The following USP34 variants were observed in gnomAD, a reference collection of about 807,000 sequenced individuals.
The protein encoded by USP34 is ubiquitin specific peptidase 34, also known as ubiquitin carboxyl-terminal hydrolase 34.
Under a neutral mutation model 460.3 loss-of-function variants are expected in USP34, and 70 were observed. That is an observed-to-expected ratio of 0.15 (90% CI 0.13 to 0.19). The LOEUF is 0.19. USP34 is among the 10% of genes least tolerant of loss of function. The pLI is 1.00. For missense variants in USP34, 3,985 were observed against 4,236.2 expected (o/e 0.94, Z 1.65); for synonymous variants, 1,647 against 1,405.3 (o/e 1.17, Z -3.85).
chr2:61,373,068 G>A (rs990338982), intron 8 of USP34, among the ~76,000 whole-genome samples: 5 of 152,156 alleles, frequency 3.3e-5, no homozygotes, highest in Non-Finnish European at 5.9e-5. Flanking sequence ...ATGGAGCTAC[G>A]TAGGAGCCAT....
intron 1 of USP34, among the ~76,000 whole-genome samples, chr2:61,467,410 G>A (rs2104122553): frequency 6.6e-6 from 1 of 150,924 alleles, no homozygotes; most frequent in Non-Finnish European, 1.5e-5. Flanking sequence ...TCAGCCTCCT[G>A]CCGAGGCGGG....
chr2:61,373,067 C>T (rs957631262), intron 8 of USP34, among the ~76,000 whole-genome samples: 9 of 152,068 alleles, frequency 5.9e-5, no homozygotes, highest in African/African-American at 1.7e-4. Flanking sequence ...AATGGAGCTA[C>T]GTAGGAGCCA....
At chr2:61,216,879 C>T (rs1388892681) in intron 67 of USP34, among the ~76,000 whole-genome samples, 3 of 150,178 alleles carry the variant, frequency 2.0e-5, no homozygotes, top group African/African-American at 4.9e-5. Flanking sequence ...GATTGCAGCA[C>T]TACATCCCAG....
chr2:61,215,184 T>G (rs904800926), intron 67 of USP34, among the ~76,000 whole-genome samples: 1 of 152,130 alleles, frequency 6.6e-6, no homozygotes. Context: ...AAGAAAGAAA[T>G]AGATATACAT....
intron 6 of USP34, 80 bp downstream of exon 6, chr2:61,383,189 C>T (rs1693026502): frequency 1.9e-6 from 2 of 1,070,766 alleles, no homozygotes; most frequent in East Asian, 5.5e-5. Context: ...AGGGGACTTT[C>T]AAACAATATA....
intron 41 of USP34, among the ~76,000 whole-genome samples, chr2:61,267,187 A>G (rs1359978097): frequency 6.6e-6 from 1 of 151,884 alleles, no homozygotes; most frequent in African/African-American, 2.4e-5. Context: ...TCTTTTCATG[A>G]TTTTGCTTTG....
rs1223914764 is a variant in USP34 at position 61,187,511 on chromosome 2, A to G, written c.*591T>C. Reference sequence around the variant, plus strand: ...AATTAAGTGCACAGAATAGCAATCAATCAATCAGTCATGTCAATAAAAATA... The same window carrying G: ...AATTAAGTGCACAGAATAGCAATCAGTCAATCAGTCATGTCAATAAAAATA... On this transcript the variant is annotated 3_prime_UTR_variant, in exon 80 of 80. Coordinates refer to ENST00000398571, the MANE Select transcript of USP34 (RefSeq NM_014709.4). The G allele has an allele frequency of 7.1e-6, 7 of 980,496 alleles. No homozygotes were observed. The highest frequency in any genetic ancestry group is 8.5e-6 in the Non-Finnish European group (7 of 827,694). 60.7% of individuals were successfully genotyped at this position (980,496 alleles called of 1,614,324 possible).
chr2:61,235,328 CTTTTT>C (rs10537200), intron 57 of USP34, among the ~76,000 whole-genome samples: 3 of 123,400 alleles, frequency 2.4e-5, no homozygotes, highest in Admixed American at 8.2e-5. Flanking sequence ...ATTTTTTTTT[CTTTTT>C]TTTTTTTTTT....
intron 1 of USP34, among the ~76,000 whole-genome samples, chr2:61,462,878 A>G (rs1056725737): frequency 4.2e-5 from 6 of 143,636 alleles, no homozygotes; most frequent in Admixed American, 1.4e-4. Flanking sequence ...AAAAAAAAAA[A>G]GGCAGCCAGG....
chr2:61,382,417 T>C (rs1692999775), intron 6 of USP34, among the ~76,000 whole-genome samples: 1 of 152,182 alleles, frequency 6.6e-6, no homozygotes, highest in Non-Finnish European at 1.5e-5. Flanking sequence ...GACATGTTCC[T>C]TCTACAATAC....
chr2:61,287,188 T>C (rs1235567138), intron 34 of USP34, among the ~76,000 whole-genome samples: 2 of 152,204 alleles, frequency 1.3e-5, no homozygotes, highest in Non-Finnish European at 2.9e-5. Context: ...GGAAATCTGC[T>C]TCAGGTTTCC....
chr2:61,425,323 G>C (rs962132425), intron 1 of USP34, among the ~76,000 whole-genome samples: 3 of 152,088 alleles, frequency 2.0e-5, no homozygotes, highest in African/African-American at 7.2e-5. Context: ...AGTACTCATA[G>C]TACCTGGTTT....
At chr2:61,416,492 C>T (rs991067858) in intron 2 of USP34, among the ~76,000 whole-genome samples, 9 of 152,090 alleles carry the variant, frequency 5.9e-5, no homozygotes, top group Admixed American at 2.6e-4. Flanking sequence ...GCTTTAAATA[C>T]CTGTTAAGGA....
chr2:61,470,747 A>C lies in USP34; in HGVS notation c.-55T>G. 4 of 1,383,548 alleles carry C rather than the reference A, an allele frequency of 2.9e-6. No individual in the cohort carries two copies. Among genetic ancestry groups the C allele is most frequent in the East Asian group, 3.6e-5 (1 of 27,940 alleles). The allele number at this position is 1,383,548 out of a possible 1,614,324, so 85.7% of individuals were successfully genotyped here. A position where few individuals can be genotyped will look rare whatever the true frequency, so the allele number is the denominator to read the frequency against. ...CTTCGGATCACACTGACTGATCCCG[A>C]CCGGCGGGGGGGAGGGGAGAGAGGC... is the stretch of plus-strand genomic sequence containing the variant. On this transcript the variant is annotated 5_prime_UTR_variant, in exon 1 of 80. Transcript: ENST00000398571.
rs1372768584 is a variant in USP34 at position 61,314,769 on chromosome 2, T to C, written c.3383-25A>G. ...CCTGAAAGCCAAATGTTTAGACACA[T>C]ATATTAGCCTTATATTCTTGTTTAG... is the stretch of plus-strand genomic sequence containing the variant. On this transcript the variant is annotated intron_variant, in intron 24 of 79. Coordinates refer to ENST00000398571, the MANE Select transcript of USP34 (RefSeq NM_014709.4). 7.6e-6 allele frequency: 12 copies of C among 1,575,480 alleles called. No individual in the cohort carries two copies. The East Asian group carries it at 2.2e-4, about 29-fold the overall frequency.
At chr2:61,365,114 T>C (rs948521564) in intron 10 of USP34, among the ~76,000 whole-genome samples, 5 of 151,486 alleles carry the variant, frequency 3.3e-5, no homozygotes, top group African/African-American at 1.2e-4. Flanking sequence ...TAGCCAGGCA[T>C]GGAGGTGCGC....
intron 5 of USP34, among the ~76,000 whole-genome samples, chr2:61,388,472 A>G (rs1558565289): frequency 6.6e-6 from 1 of 150,768 alleles, no homozygotes; most frequent in Non-Finnish European, 1.5e-5. Context: ...AAAAAAAAAA[A>G]AAGATTGGGC....
chr2:61,356,181 A>T (rs1269664100), intron 10 of USP34, among the ~76,000 whole-genome samples: 2 of 63,202 alleles, frequency 3.2e-5, no homozygotes, highest in African/African-American at 1.0e-4. Flanking sequence ...AATGAATTTA[A>T]AAAAAAAAAA....
chr2:61,419,756 G>C (rs953912449), intron 2 of USP34, among the ~76,000 whole-genome samples: 7 of 152,070 alleles, frequency 4.6e-5, no homozygotes, highest in Admixed American at 2.0e-4. Context: ...ACATTTCTCA[G>C]CAAATCATTG....
Sources: gnomAD v4.1 joint callset for allele counts (sites outside exome capture counted in the v4.1 genomes callset) on GRCh38, gnomAD v4.1.1 for gene constraint, MANE v1.5 for transcripts, NCBI Gene and HGNC (gene_info 2026-07-23, HGNC 2026-07-21) for gene names.